NPEPL1: variants seen among roughly 807,000 people sequenced by gnomAD.
NPEPL1 encodes aminopeptidase like 1, also known as probable aminopeptidase NPEPL1.
Under a neutral mutation model 52.4 loss-of-function variants are expected in NPEPL1, and 45 were observed. That is an observed-to-expected ratio of 0.86 (90% CI 0.68 to 1.10). The LOEUF (loss-of-function observed/expected upper bound fraction) is 1.10, where lower values mean the gene tolerates loss of function less well. Among genes scored for constraint, NPEPL1 ranks in the 50% least tolerant of loss-of-function variants. NPEPL1 has a pLI of 0.00. For synonymous variants in NPEPL1, 360 were observed against 314.7 expected, an observed-to-expected ratio of 1.14 and a Z score of -1.52; for missense variants, 696 against 710.9, an observed-to-expected ratio of 0.98 and a Z score of 0.24.
Position 58,693,737 on chromosome 20 carries a change from C to T in NPEPL1, c.151C>T (p.Leu51Phe), listed in dbSNP as rs745347818. 6.2e-7 allele frequency: 1 copy of T among 1,601,726 alleles called. No homozygotes were observed. The highest frequency in any genetic ancestry group is 8.5e-7 in the Non-Finnish European group (1 of 1,170,740). ...GTCTTGTCTCTCCCTTCTGATCTAG[C>T]TCTGGCAGGCTGCCCTGAGCACGCT... ...GKLQPRVTEE[L>F]WQAALSTLNP... The change falls in exon 2 of 12, where the codon CTC becomes TTC. Residue 51 changes from leucine (L) to phenylalanine (F), a missense_variant and splice_region_variant. Coordinates refer to ENST00000356091, the MANE Select transcript of NPEPL1 (RefSeq NM_024663.4).
rs761264045 is a variant in NPEPL1, at chr20:58,699,295, T to C, written c.679+17T>C. The C allele has an allele frequency of 1.1e-4, 172 of 1,588,492 alleles. No homozygotes were observed. Among genetic ancestry groups the C allele is most frequent in the Non-Finnish European group, 1.3e-4 (149 of 1,165,452 alleles). On this transcript the variant is annotated intron_variant, in intron 5 of 11. Transcript: ENST00000356091. ...GATTTGGAGGTGGGTGGGGGCTGCATCCCTGCAGCTCTTGGCCTCGGGCAG... is the reference window on the plus strand; with the variant it reads ...GATTTGGAGGTGGGTGGGGGCTGCACCCCTGCAGCTCTTGGCCTCGGGCAG...
In NPEPL1 at chr20:58,713,184, G is replaced by C; in HGVS notation, c.1002-236G>C. ...TGAGGCATGGGAGAGCCAAATGGCT[G>C]GTCTCTGGCTCTCCAGAGCAGCGGG... is the stretch of plus-strand genomic sequence containing the variant. On this transcript the variant is annotated intron_variant, in intron 8 of 11. Coordinates refer to ENST00000356091, the MANE Select transcript of NPEPL1 (RefSeq NM_024663.4). The surrounding 1 kb of genome is among the most constrained non-coding windows in gnomAD (Gnocchi z 4.6). 2.0e-6 allele frequency: 1 copy of C among 503,774 alleles called. No individual in the cohort carries two copies. Among genetic ancestry groups the C allele is most frequent in the Non-Finnish European group, 3.5e-6 (1 of 284,572 alleles). 31.2% of individuals were successfully genotyped at this position (503,774 alleles called of 1,614,324 possible). A position where few individuals can be genotyped will look rare whatever the true frequency, so the allele number is the denominator to read the frequency against.
At chr20:58,697,547 G>A (rs946102476) in intron 3 of NPEPL1, among the ~76,000 whole-genome samples, 3 of 152,334 alleles carry the variant, frequency 2.0e-5, no homozygotes, top group Non-Finnish European at 2.9e-5. Context: ...CTGCAGTATC[G>A]ACCCGGCGCC....
At chr20:58,698,276 G>A (rs1197708443) in intron 3 of NPEPL1, among the ~76,000 whole-genome samples, 1 of 152,120 alleles carries the variant, frequency 6.6e-6, no homozygotes, top group Admixed American at 6.5e-5. Flanking sequence ...GGAAAGGACT[G>A]TGGGATCTGC....
intron 10 of NPEPL1, 103 bp from the exon 11 acceptor site, chr20:58,714,457 C>T (rs1039637638): frequency 6.0e-6 from 5 of 836,608 alleles, no homozygotes; most frequent in Non-Finnish European, 9.1e-6. Flanking sequence ...CTCCCAGCCA[C>T]CCCGAGCTCC....
intron 3 of NPEPL1, among the ~76,000 whole-genome samples, chr20:58,695,248 G>C (rs371007460): frequency 3.5e-5 from 4 of 113,756 alleles, no homozygotes; most frequent in Non-Finnish European, 7.6e-5. Context: ...GAGTGCTGGT[G>C]TGTGCATGAG....
upstream of NPEPL1, among the ~76,000 whole-genome samples, chr20:58,689,740 T>C (rs1233359443): frequency 2.6e-5 from 4 of 152,136 alleles, no homozygotes; most frequent in African/African-American, 9.7e-5. Context: ...CTTCTCCCAG[T>C]GACTGGATCT....
At position 58,713,514 on chromosome 20, in the gene NPEPL1, C is replaced by T. The variant is rs1021813032; in HGVS notation, c.1096C>T (p.Leu366=). ...ACKDLGADII[L]DMATLTGAQG... ...CAAGGACCTGGGGGCCGACATCATC[C>T]TGGACATGGCCACCCTGACCGGGGC... Residue 366 remains leucine (L), a synonymous_variant, in exon 9 of 12, where the codon CTG becomes TTG. Coordinates refer to ENST00000356091, the MANE Select transcript of NPEPL1 (RefSeq NM_024663.4). The surrounding 1 kb of genome is among the most constrained non-coding windows in gnomAD (Gnocchi z 4.6). 1.2e-6 allele frequency: 2 copies of T among 1,610,632 alleles called. No homozygotes were observed. Among genetic ancestry groups the T allele is most frequent in the Non-Finnish European group, 1.7e-6 (2 of 1,178,508 alleles).
At chr20:58,702,257 C>T (rs1255466177) in intron 6 of NPEPL1, among the ~76,000 whole-genome samples, 1 of 152,252 alleles carries the variant, frequency 6.6e-6, no homozygotes, top group Non-Finnish European at 1.5e-5. Context: ...GTTCTGTTCC[C>T]GCCTGGCAGC....
rs1373224392 is a variant in NPEPL1, at chr20:58,715,251, G to A, written c.1497G>A (p.Val499=). The A allele has an allele frequency of 8.1e-6, 13 of 1,610,526 alleles. No homozygotes were observed. The highest frequency in any genetic ancestry group is 1.1e-5 in the Non-Finnish European group (13 of 1,179,284). Residue 499 remains valine (V), a synonymous_variant, in exon 12 of 12, where the codon GTG becomes GTA. Coordinates refer to ENST00000356091, the MANE Select transcript of NPEPL1 (RefSeq NM_024663.4). ...RASEDPLLNL[V]SPLGCEVDVE... ...CTGAGGACCCTCTGCTGAACCTGGT[G>A]TCCCCACTGGGCTGTGAGGTGGATG... is the stretch of plus-strand genomic sequence containing the variant.
In NPEPL1 at chr20:58,702,528, G is replaced by T. The variant is rs190228321; in HGVS notation, c.822+1370G>T. 1.6e-4 allele frequency among the ~76,000 whole-genome samples: 24 copies of T among 152,162 alleles called. No homozygotes were observed. The East Asian group carries it at 2.1e-3, about 13-fold the overall frequency. ...AGAAAATGACACTAATCATAAAAAG[G>T]GTTTTTTGTTTTTTTTTAATAGAAA... is the stretch of plus-strand genomic sequence containing the variant. On this transcript the variant is annotated intron_variant, in intron 6 of 11. Transcript: ENST00000356091.
intron 6 of NPEPL1, among the ~76,000 whole-genome samples, chr20:58,706,897 C>T (rs1462797968): frequency 6.6e-6 from 1 of 152,208 alleles, no homozygotes; most frequent in Non-Finnish European, 1.5e-5. Flanking sequence ...GGGAGCCTCA[C>T]CATCTATGGC....
chr20:58,692,958 C>A lies in NPEPL1; in HGVS notation c.58C>A (p.Arg20=). ...ASAGDSDPQS[R]PLLLLGQLHH... ...CGCGGGGGACTCGGACCCACAGAGC[C>A]GGCCCCTGCTGCTGCTCGGGCAGCT... The change falls in exon 1 of 12, where the codon CGG becomes AGG. Residue 20 remains arginine (R), a synonymous_variant. Coordinates refer to ENST00000356091, the MANE Select transcript of NPEPL1 (RefSeq NM_024663.4). This position sits in a 1 kb window ranked among gnomAD's most constrained non-coding sequence, Gnocchi z 5.7. The A allele has an allele frequency of 8.4e-7, 1 of 1,187,602 alleles. No individual in the cohort carries two copies. The highest frequency in any genetic ancestry group is 2.0e-5 in the South Asian group (1 of 50,334). 73.6% of individuals were successfully genotyped at this position (1,187,602 alleles called of 1,614,324 possible). A position where few individuals can be genotyped will look rare whatever the true frequency, so the allele number is the denominator to read the frequency against.
upstream of NPEPL1, among the ~76,000 whole-genome samples, chr20:58,689,720 C>G (rs1203838974): frequency 6.6e-6 from 1 of 152,174 alleles, no homozygotes; most frequent in Non-Finnish European, 1.5e-5. Context: ...GGGGCCTTCC[C>G]TAACTCAATC....
chr20:58,699,095 G>C (rs2296528), intron 4 of NPEPL1, 102 bp from the exon 5 acceptor site: 712,350 of 1,138,012 alleles, frequency 0.63, 227,603 homozygotes, highest in African/African-American at 0.88. Context: ...TCCCCGACGC[G>C]GCACAGGCAG....
Position 58,714,648 on chromosome 20 carries a change from A to T in NPEPL1, c.1391A>T (p.Asp464Val), listed in dbSNP as rs770593894. The T allele has an allele frequency of 1.3e-6, 2 of 1,593,906 alleles. No individual in the cohort carries two copies. Among genetic ancestry groups the T allele is most frequent in the South Asian group, 2.3e-5 (2 of 88,140 alleles). Residue 464 changes from aspartate (D) to valine (V), a missense_variant, in exon 11 of 12, where the codon GAC becomes GTC. Coordinates refer to ENST00000356091, the MANE Select transcript of NPEPL1 (RefSeq NM_024663.4). ...TGGCCCGGAGTCTGGGTCCACCTGG[A>T]CATTGCTGCACCGGTGCATGCTGTG... ...FDWPGVWVHL[D>V]IAAPVHAGER...
chr20:58,706,864 C>T (rs2084743553), intron 6 of NPEPL1, among the ~76,000 whole-genome samples: 2 of 152,204 alleles, frequency 1.3e-5, no homozygotes, highest in African/African-American at 4.8e-5. Context: ...GTTTGATAAC[C>T]CCAAAGTTCT....
intron 6 of NPEPL1, among the ~76,000 whole-genome samples, chr20:58,706,170 G>A (rs1047348080): frequency 6.6e-6 from 1 of 152,188 alleles, no homozygotes; most frequent in Non-Finnish European, 1.5e-5. Context: ...GGACACTGCA[G>A]GAGAAGGGTG....
intron 3 of NPEPL1, among the ~76,000 whole-genome samples, chr20:58,694,908 A>G (rs1182502152): frequency 6.6e-6 from 1 of 152,130 alleles, no homozygotes; most frequent in Non-Finnish European, 1.5e-5. Context: ...CACGTGTGTG[A>G]TGTATGCACG....
Sources: allele counts gnomAD v4.1 joint callset (sites outside exome capture counted in the v4.1 genomes callset), GRCh38; gene constraint gnomAD v4.1.1; non-coding constraint Gnocchi (gnomAD v3.1); transcripts MANE v1.5; gene names NCBI Gene and HGNC (gene_info 2026-07-23, HGNC 2026-07-21).